Variants in HTT observed in about 807,000 individuals in gnomAD.
HTT encodes the protein huntington disease protein.
Under a neutral mutation model 362.3 loss-of-function variants are expected in HTT, and 104 were observed. The observed-to-expected ratio is 0.29, with a 90% confidence interval of 0.24 to 0.34. HTT has a LOEUF of 0.34. HTT is among the 10% of genes least tolerant of loss of function. HTT has a pLI of 1.00. For missense variants in HTT, 3,301 were observed against 3,928.6 expected (o/e 0.84, Z 4.27); for synonymous variants, 1,577 against 1,548.7 (o/e 1.02, Z -0.43).
At position 3,139,778 on chromosome 4, in the gene HTT, G is replaced by A. The variant is rs1051500213; in HGVS notation, c.2799-732G>A. 4.6e-5 allele frequency among the ~76,000 whole-genome samples: 7 copies of A among 152,282 alleles called. No individual in the cohort carries two copies. In the East Asian group the frequency reaches 1.4e-3, roughly 29 times the overall value. Reference sequence around the variant, plus strand: ...TTGGGACAGTTTTGCAGACAAAATTGCAAAAGTGCCTAAGGAATGCAGCTG... The same window carrying A: ...TTGGGACAGTTTTGCAGACAAAATTACAAAAGTGCCTAAGGAATGCAGCTG... On this transcript the variant is annotated intron_variant, in intron 21 of 66. Coordinates refer to ENST00000355072, the MANE Select transcript of HTT (RefSeq NM_001388492.1).
rs1721741239 is a variant in HTT at position 3,240,137 on chromosome 4, C to A, written c.*78C>A. ...AGTCTGCGCCCTTGTGCCCTGCCTC[C>A]ACCGAGCCAGCTTGGTCCCTATGGG... On this transcript the variant is annotated 3_prime_UTR_variant, in exon 67 of 67. Transcript: ENST00000355072. 1 of 1,279,618 alleles carries A rather than the reference C, an allele frequency of 7.8e-7. No individual in the cohort carries two copies. The highest frequency in any genetic ancestry group is 1.1e-6 in the Non-Finnish European group (1 of 912,106). 79.3% of individuals were successfully genotyped at this position (1,279,618 alleles called of 1,614,324 possible).
At chr4:3,116,538 A>G (rs1049871090) in intron 8 of HTT, among the ~76,000 whole-genome samples, 8 of 152,178 alleles carry the variant, frequency 5.3e-5, no homozygotes, top group Non-Finnish European at 1.5e-5. Context: ...AGAGGTCACG[A>G]TATGTGTTCA....
At chr4:3,151,034 G>A (rs1275050797) in intron 26 of HTT, among the ~76,000 whole-genome samples, 1 of 149,398 alleles carries the variant, frequency 6.7e-6, no homozygotes, top group Non-Finnish European at 1.5e-5. Context: ...GCGAGACTCT[G>A]TCTCAAAAAC....
In HTT at chr4:3,142,818, A is replaced by G. The variant is rs760357658; in HGVS notation, c.2998A>G (p.Asn1000Asp). The G allele has an allele frequency of 1.6e-5, 25 of 1,600,918 alleles. No homozygotes were observed. The highest frequency in any genetic ancestry group is 2.1e-5 in the Non-Finnish European group (24 of 1,168,204). Residue 1000 changes from asparagine (N) to aspartate (D), a missense_variant, in exon 23 of 67, where the codon AAT becomes GAT. This residue lies in a region of HTT where 2,316 missense variants were observed against 2,658.5 expected (regional missense o/e 0.87). Coordinates refer to ENST00000355072, the MANE Select transcript of HTT (RefSeq NM_001388492.1). ...AAGCATAACAGACGTCACTATGGAA[A>G]ATAACCTTTCAAGAGTTATTGCAGC... ...LPSITDVTMENNLSRVIAAVS... is the reference protein window; with the variant it reads ...LPSITDVTMEDNLSRVIAAVS...
At chr4:3,220,893 A>G (rs933863498) in intron 53 of HTT, among the ~76,000 whole-genome samples, 1 of 152,170 alleles carries the variant, frequency 6.6e-6, no homozygotes, top group Non-Finnish European at 1.5e-5. Flanking sequence ...GTCATATGTA[A>G]AATGGGGGTC....
chr4:3,228,971 A>T lies in HTT; in HGVS notation c.8071A>T (p.Arg2691Trp). ...GATCCTGCCGTCCAGCTCAGCCAGG[A>T]GGACCCCGGCCATCCTGATCAGTGA... ...RWILPSSSARRTPAILISEVV... is the reference protein window; with the variant it reads ...RWILPSSSARWTPAILISEVV... The change falls in exon 59 of 67, where the codon AGG becomes TGG. Residue 2691 changes from arginine to tryptophan, a missense_variant. Transcript: ENST00000355072. The surrounding 1 kb of genome is among the most constrained non-coding windows in gnomAD (Gnocchi z 4.3). 1 of 1,613,818 alleles carries T rather than the reference A, an allele frequency of 6.2e-7. No homozygotes were observed. The highest frequency in any genetic ancestry group is 1.1e-5 in the South Asian group (1 of 91,082).
Position 3,235,168 on chromosome 4 carries a change from C to T in HTT, c.8457-116C>T, listed in dbSNP as rs575353726. 7 of 747,414 alleles carry T rather than the reference C, an allele frequency of 9.4e-6. No homozygotes were observed. In the African/African-American group the frequency reaches 1.0e-4, roughly 11 times the overall value. The allele number at this position is 747,414 out of a possible 1,614,324, so 46.3% of individuals were successfully genotyped here. Reference sequence around the variant, plus strand: ...GGGGGAGCCACTCAGGGTAGGCGCTCCCGGGAGCCCGCCTGGCCCATAGCT... The same window carrying T: ...GGGGGAGCCACTCAGGGTAGGCGCTTCCGGGAGCCCGCCTGGCCCATAGCT... On this transcript the variant is annotated intron_variant, in intron 61 of 66. Coordinates refer to ENST00000355072, the MANE Select transcript of HTT (RefSeq NM_001388492.1).
intron 6 of HTT, among the ~76,000 whole-genome samples, chr4:3,108,462 C>T (rs1212476210): frequency 6.6e-6 from 1 of 152,114 alleles, no homozygotes; most frequent in Admixed American, 6.5e-5. Flanking sequence ...AGTAGGTGCT[C>T]CTTTGTGGTC....
chr4:3,235,069 G>A (rs1259493544), intron 61 of HTT, among the ~76,000 whole-genome samples: 1 of 152,152 alleles, frequency 6.6e-6, no homozygotes, highest in Non-Finnish European at 1.5e-5. Flanking sequence ...AGGGCGTTGG[G>A]GAGGTAGACG....
At chr4:3,165,493 T>C (rs1717654823) in intron 29 of HTT, among the ~76,000 whole-genome samples, 1 of 152,154 alleles carries the variant, frequency 6.6e-6, no homozygotes, top group African/African-American at 2.4e-5. Flanking sequence ...CTGGATAATA[T>C]CCTGAAGAGT....
intron 1 of HTT, among the ~76,000 whole-genome samples, chr4:3,081,835 G>A (rs1434141413): frequency 6.6e-6 from 1 of 151,198 alleles, no homozygotes; most frequent in Non-Finnish European, 1.5e-5. Context: ...GGGATTACAG[G>A]GTGTGAGCCA....
intron 10 of HTT, among the ~76,000 whole-genome samples, chr4:3,124,299 C>T: frequency 6.6e-6 from 1 of 152,194 alleles, no homozygotes. Context: ...TCACATTGCT[C>T]AGATGAGTTT....
intron 16 of HTT, 24 bp downstream of exon 16, chr4:3,131,799 T>C (rs769823889): frequency 1.3e-6 from 2 of 1,595,354 alleles, no homozygotes; most frequent in Non-Finnish European, 8.6e-7. Flanking sequence ...TCACATCTTA[T>C]TTTCTCAGAT....
chr4:3,096,510 G>C (rs1369351259), intron 2 of HTT, among the ~76,000 whole-genome samples: 1 of 152,164 alleles, frequency 6.6e-6, no homozygotes, highest in Admixed American at 6.5e-5. Flanking sequence ...AAATTATTCA[G>C]AGTATGTTTT....
In HTT at chr4:3,188,989, T is replaced by C; in HGVS notation, c.5264T>C (p.Ile1755Thr). The change falls in exon 40 of 67, where the codon ATT (isoleucine) becomes ACT (threonine). Residue 1755 changes from isoleucine (I) to threonine (T), a missense_variant. By Grantham distance (89) the Ile-to-Thr change is moderately conservative (BLOSUM62 -1). This residue lies in a region of HTT where 2,316 missense variants were observed against 2,658.5 expected (regional missense o/e 0.87). Coordinates refer to ENST00000355072, the MANE Select transcript of HTT (RefSeq NM_001388492.1). ...LQLVGILLED[I>T]VTKQLKVEMS... is the part of the protein sequence containing the mutation. ...CTGGTTGGTATTCTTTTAGAAGACATTGTTACAAAACAGCTGAAGGTGGAA... is the reference window on the plus strand; with the variant it reads ...CTGGTTGGTATTCTTTTAGAAGACACTGTTACAAAACAGCTGAAGGTGGAA... 1 of 1,614,162 alleles carries C rather than the reference T, an allele frequency of 6.2e-7. No homozygotes were observed.
At chr4:3,084,418 G>C (rs1713089595) in intron 1 of HTT, among the ~76,000 whole-genome samples, 1 of 152,086 alleles carries the variant, frequency 6.6e-6, no homozygotes, top group South Asian at 2.1e-4. Flanking sequence ...GTCGGACGTG[G>C]TGGCTCATGC....
chr4:3,082,402 A>C lies in HTT; in HGVS notation c.264-4537A>C, dbSNP rs536649079. ...TCAAAACATTTAGTCTTATTCAGAC[A>C]ACAAGGAGGAAAAATAAAATACCTT... On this transcript the variant is annotated intron_variant, in intron 1 of 66. Coordinates refer to ENST00000355072, the MANE Select transcript of HTT (RefSeq NM_001388492.1). Among the ~76,000 whole-genome samples the C allele has an allele frequency of 2.0e-5, 3 of 152,374 alleles. No homozygotes were observed. The South Asian group carries it at 6.2e-4, about 32-fold the overall frequency.
chr4:3,207,137 C>T, intron 44 of HTT, 144 bp from the exon 45 acceptor site: 1 of 1,027,202 alleles, frequency 9.7e-7, no homozygotes, highest in Non-Finnish European at 1.5e-6. Flanking sequence ...ACTCGTGTGT[C>T]CGATCTGACT....
intron 26 of HTT, among the ~76,000 whole-genome samples, chr4:3,152,714 A>T (rs1035167169): frequency 4.0e-5 from 6 of 149,582 alleles, no homozygotes; most frequent in South Asian, 4.3e-4. Context: ...TTTTTTTTTT[A>T]AATTGTGACG....
Sources: allele counts gnomAD v4.1 joint callset (sites outside exome capture counted in the v4.1 genomes callset), GRCh38; gene constraint gnomAD v4.1.1; regional missense constraint gnomAD v4.1.1; non-coding constraint Gnocchi (gnomAD v3.1); transcripts MANE v1.5; gene names NCBI Gene and HGNC (gene_info 2026-07-23, HGNC 2026-07-21).